CCDC148: variants seen among roughly 807,000 people sequenced by gnomAD.
CCDC148 encodes coiled-coil domain-containing protein 148.
Under a neutral mutation model 85.7 loss-of-function variants are expected in CCDC148, and 89 were observed. The observed-to-expected ratio is 1.04, with a 90% confidence interval of 0.87 to 1.24. The LOEUF is 1.24. Among genes scored for constraint, CCDC148 ranks in the 50% most tolerant of loss-of-function variants. The pLI is 0.00. For missense variants in CCDC148, 692 were observed against 671.7 expected, an observed-to-expected ratio of 1.03 and a Z score of -0.33; for synonymous variants, 230 against 213.9, an observed-to-expected ratio of 1.08 and a Z score of -0.66.
chr2:158,451,185 G>C (rs1214478317), intron 1 of CCDC148, among the ~76,000 whole-genome samples: 14 of 150,570 alleles, frequency 9.3e-5, no homozygotes, highest in Non-Finnish European at 4.4e-5. Flanking sequence ...TATTTGTTGA[G>C]TCATTTCATC....
At chr2:158,206,484 T>A (rs113632010) in intron 11 of CCDC148, among the ~76,000 whole-genome samples, 1 of 152,158 alleles carries the variant, frequency 6.6e-6, no homozygotes, top group Non-Finnish European at 1.5e-5. Context: ...AGTGCTGAGA[T>A]TGATGGCCCT....
chr2:158,425,498 T>A (rs1350342191), intron 1 of CCDC148, among the ~76,000 whole-genome samples: 1 of 106,008 alleles, frequency 9.4e-6, no homozygotes, highest in Non-Finnish European at 2.2e-5. Flanking sequence ...CTTTGCTATC[T>A]GTTATGACTC....
At chr2:158,223,634 C>T (rs569875000) in intron 10 of CCDC148, among the ~76,000 whole-genome samples, 8 of 152,260 alleles carry the variant, frequency 5.3e-5, no homozygotes, top group African/African-American at 1.2e-4. Flanking sequence ...TCCAGAGGAA[C>T]GACCAGGCAG....
At chr2:158,330,146 G>C (rs994448003) in intron 7 of CCDC148, among the ~76,000 whole-genome samples, 4 of 152,254 alleles carry the variant, frequency 2.6e-5, no homozygotes, top group Admixed American at 2.6e-4. Flanking sequence ...CTGTGGGTTT[G>C]TCATAGATAG....
chr2:158,347,394 A>T (rs1206176538), intron 2 of CCDC148, among the ~76,000 whole-genome samples: 3 of 152,092 alleles, frequency 2.0e-5, no homozygotes, highest in Non-Finnish European at 4.4e-5. Flanking sequence ...TGCAGAACAT[A>T]CTGATTTTTT....
In CCDC148 at chr2:158,308,688, G is replaced by T. The variant is rs187844172; in HGVS notation, c.1110+745C>A. Among the ~76,000 whole-genome samples, 235 of 152,236 alleles carry T rather than the reference G, an allele frequency of 1.5e-3. 1 individual carries two copies. Among genetic ancestry groups the T allele is most frequent in the African/African-American group, 5.2e-3 (216 of 41,536 alleles). The stretch of plus-strand genomic sequence containing the variant: ...TACCTCAATACAATTTGTTTTTAAT[G>T]GCCCTGGCCAACACTCCTGGGGAGG... On this transcript the variant is annotated intron_variant, in intron 9 of 13. Coordinates refer to ENST00000283233, the MANE Select transcript of CCDC148 (RefSeq NM_138803.4).
chr2:158,176,801 T>A (rs1684612343), intron 12 of CCDC148, 140 bp from the exon 13 acceptor site: 1 of 913,510 alleles, frequency 1.1e-6, no homozygotes, highest in Non-Finnish European at 1.6e-6. Flanking sequence ...GAAGAAATAT[T>A]AATTGGTCAG....
chr2:158,335,924 G>A lies in CCDC148; in HGVS notation c.764+2802C>T, dbSNP rs532313358. ...TGGAGTCATTTCAAACCAAACCAGCGAGCTACTATAAAATAGGAAGAATTG... is the reference window on the plus strand; with the variant it reads ...TGGAGTCATTTCAAACCAAACCAGCAAGCTACTATAAAATAGGAAGAATTG... On this transcript the variant is annotated intron_variant, in intron 7 of 13. Coordinates refer to ENST00000283233, the MANE Select transcript of CCDC148 (RefSeq NM_138803.4). 1.1e-3 allele frequency among the ~76,000 whole-genome samples: 169 copies of A among 152,104 alleles called. 1 individual carries two copies. Among genetic ancestry groups the A allele is most frequent in the African/African-American group, 3.9e-3 (161 of 41,510 alleles).
intron 9 of CCDC148, among the ~76,000 whole-genome samples, chr2:158,292,223 GACATTT>G (rs1368845655): frequency 6.6e-6 from 1 of 151,900 alleles, no homozygotes; most frequent in African/African-American, 2.4e-5. Flanking sequence ...CATTATTTTA[GACATTT>G]ACAAAATAGG....
At chr2:158,197,742 T>G (rs1431410434) in intron 11 of CCDC148, among the ~76,000 whole-genome samples, 1 of 152,102 alleles carries the variant, frequency 6.6e-6, no homozygotes, top group Non-Finnish European at 1.5e-5. Context: ...ACTTCCCTAT[T>G]TTTTTATTGC....
intron 1 of CCDC148, among the ~76,000 whole-genome samples, chr2:158,384,333 A>G (rs993414160): frequency 1.3e-5 from 2 of 152,130 alleles, no homozygotes; most frequent in African/African-American, 4.8e-5. Context: ...ATGGTGATAC[A>G]GTTTGGTTCT....
intron 9 of CCDC148, among the ~76,000 whole-genome samples, chr2:158,296,166 T>C (rs1395266322): frequency 6.6e-6 from 1 of 152,182 alleles, no homozygotes; most frequent in Admixed American, 6.5e-5. Context: ...ATCATAAAAA[T>C]TCCCCCAAGT....
chr2:158,346,067 T>C (rs1314174152), intron 2 of CCDC148, among the ~76,000 whole-genome samples: 1 of 152,214 alleles, frequency 6.6e-6, no homozygotes, highest in East Asian at 1.9e-4. Context: ...TACTACTTTT[T>C]AAAAATGTAG....
intron 9 of CCDC148, among the ~76,000 whole-genome samples, chr2:158,287,597 C>G (rs1298558437): frequency 6.6e-6 from 1 of 152,204 alleles, no homozygotes. Flanking sequence ...TCCTTTGACT[C>G]CTGTCTCAAA....
intron 1 of CCDC148, 71 bp downstream of exon 1, chr2:158,456,344 A>G (rs564026890): frequency 1.2e-5 from 18 of 1,513,982 alleles, no homozygotes; most frequent in Middle Eastern, 1.7e-4. Context: ...GAGAACAAAC[A>G]TAAGTAGGAT....
At chr2:158,348,702 G>A (rs1003789651) in intron 2 of CCDC148, among the ~76,000 whole-genome samples, 2 of 151,952 alleles carry the variant, frequency 1.3e-5, no homozygotes, top group Non-Finnish European at 2.9e-5. Flanking sequence ...TCATTTGTGG[G>A]TAGCAGTATA....
At position 158,310,749 on chromosome 2, in the gene CCDC148, A is replaced by G. The variant is rs1340010937; in HGVS notation, c.904-1110T>C. On this transcript the variant is annotated intron_variant, in intron 8 of 13. Coordinates refer to ENST00000283233, the MANE Select transcript of CCDC148 (RefSeq NM_138803.4). ...GGGCGGCCGGGCAGAGGCACTCCTC[A>G]CATCCCAGACAGGGCGGCCGGGCAG... 3.4e-5 allele frequency among the ~76,000 whole-genome samples: 5 copies of G among 146,802 alleles called. No homozygotes were observed. In the East Asian group the frequency reaches 1.0e-3, roughly 31 times the overall value.
chr2:158,278,439 C>T lies in CCDC148; in HGVS notation c.1111-27527G>A, dbSNP rs139044454. On this transcript the variant is annotated intron_variant, in intron 9 of 13. Transcript: ENST00000283233. The stretch of plus-strand genomic sequence containing the variant: ...CTCCCACCCTAATACCGCACTTTTC[C>T]GATGGGCTTAAAAAATGGCGCACCA... 4.4e-3 allele frequency among the ~76,000 whole-genome samples: 664 copies of T among 152,290 alleles called. 5 individuals carry two copies. Among genetic ancestry groups the T allele is most frequent in the African/African-American group, 0.015 (623 of 41,564 alleles).
chr2:158,355,420 T>C (rs1683575962), intron 2 of CCDC148, among the ~76,000 whole-genome samples: 1 of 152,128 alleles, frequency 6.6e-6, no homozygotes, highest in Admixed American at 6.5e-5. Flanking sequence ...TCAGAAGCAT[T>C]CTTATATACC....
Sources: gnomAD v4.1 joint callset for allele counts (sites outside exome capture counted in the v4.1 genomes callset) on GRCh38, gnomAD v4.1.1 for gene constraint, MANE v1.5 for transcripts, NCBI Gene and HGNC (gene_info 2026-07-23, HGNC 2026-07-21) for gene names.